Variants in FUT8 observed in about 807,000 individuals in gnomAD.
FUT8 encodes the protein alpha-(1,6)-fucosyltransferase.
Under a neutral mutation model 71.3 loss-of-function variants are expected in FUT8, and 29 were observed. That is an observed-to-expected ratio of 0.41 (90% CI 0.30 to 0.55). The LOEUF (loss-of-function observed/expected upper bound fraction) is 0.55, where lower values mean the gene tolerates loss of function less well. FUT8 is among the 20% of genes least tolerant of loss of function. The probability of loss-of-function intolerance (pLI) is 0.34; values close to 1 mark genes in which losing one functional copy is unlikely to be tolerated. For missense variants in FUT8, 544 were observed against 702.1 expected (o/e 0.77, Z 2.55); for synonymous variants, 254 against 239.3 (o/e 1.06, Z -0.57).
At chr14:65,370,449 C>A in the FUT8 span, among the ~76,000 whole-genome samples, 1 of 151,682 alleles carries the variant, frequency 6.6e-6, no homozygotes, top group South Asian at 2.1e-4. Flanking sequence ...ACCTCGTGAT[C>A]TGCCTGCCTC....
Position 65,594,794 on chromosome 14 carries a change from G to A in FUT8, c.204-21184G>A, listed in dbSNP as rs147339928. 1.4e-4 allele frequency among the ~76,000 whole-genome samples: 21 copies of A among 152,104 alleles called. No homozygotes were observed. The East Asian group carries it at 3.1e-3, about 22-fold the overall frequency. ...TGAAGTCAAGTTGCCTCATCCAGCCGGTGTCTCTGAAGTTAAGTCCTCTCT... is the reference window on the plus strand; with the variant it reads ...TGAAGTCAAGTTGCCTCATCCAGCCAGTGTCTCTGAAGTTAAGTCCTCTCT... On this transcript the variant is annotated intron_variant, in intron 3 of 10. Transcript: ENST00000673929.
intron 6 of FUT8, among the ~76,000 whole-genome samples, chr14:65,650,635 G>A (rs1891345992): frequency 1.3e-5 from 2 of 149,808 alleles, no homozygotes; most frequent in African/African-American, 2.5e-5. Context: ...CCAGCACTGG[G>A]GATTGCATTT....
At chr14:65,611,246 C>T (rs372483380) in intron 3 of FUT8, among the ~76,000 whole-genome samples, 1 of 34,460 alleles carries the variant, frequency 2.9e-5, no homozygotes, top group East Asian at 7.1e-4. Flanking sequence ...CACACACACA[C>T]ACACACACAC....
chr14:65,597,750 A>G (rs1413450064), intron 3 of FUT8, among the ~76,000 whole-genome samples: 1 of 152,104 alleles, frequency 6.6e-6, no homozygotes, highest in East Asian at 1.9e-4. Context: ...AACATCTGTT[A>G]TACAACATTG....
intron 6 of FUT8, among the ~76,000 whole-genome samples, chr14:65,661,752 G>C (rs1566881558): frequency 6.6e-6 from 1 of 152,226 alleles, no homozygotes; most frequent in Non-Finnish European, 1.5e-5. Flanking sequence ...AATCCTAGTA[G>C]TAGTGCCTAA....
At chr14:65,547,232 G>A (rs1423520278) in intron 2 of FUT8, among the ~76,000 whole-genome samples, 4 of 150,578 alleles carry the variant, frequency 2.7e-5, no homozygotes, top group Admixed American at 6.6e-5. Flanking sequence ...GTTGTTTATC[G>A]GTTTTATATT....
At chr14:65,589,934 A>G (rs1038077687) in intron 3 of FUT8, among the ~76,000 whole-genome samples, 47 of 152,342 alleles carry the variant, frequency 3.1e-4, no homozygotes, top group African/African-American at 1.1e-3. Context: ...AGGGGTATAC[A>G]TTGGCATGAT....
chr14:65,563,628 A>G (rs78974908), intron 3 of FUT8, among the ~76,000 whole-genome samples: 1 of 152,000 alleles, frequency 6.6e-6, no homozygotes, highest in Non-Finnish European at 1.5e-5. Flanking sequence ...CTTCTATATC[A>G]TGGGAATTTT....
the FUT8 span, among the ~76,000 whole-genome samples, chr14:65,375,560 G>T: frequency 3.3e-5 from 5 of 152,182 alleles, no homozygotes; most frequent in Non-Finnish European, 7.4e-5. Context: ...TGTTGAGGCT[G>T]CAGTGAGCCA....
intron 2 of FUT8, among the ~76,000 whole-genome samples, chr14:65,538,689 G>A (rs977903869): frequency 6.6e-6 from 1 of 152,198 alleles, no homozygotes; most frequent in African/African-American, 2.4e-5. Context: ...GGTGGCCGAG[G>A]TAGGTGGATT....
At chr14:65,595,010 C>T (rs141030440) in intron 3 of FUT8, among the ~76,000 whole-genome samples, 78 of 152,176 alleles carry the variant, frequency 5.1e-4, no homozygotes, top group African/African-American at 1.3e-3. Context: ...TTTGGGCCAC[C>T]GATTTCAGAC....
At chr14:65,422,356 T>C (rs1441528298) in intron 1 of FUT8, among the ~76,000 whole-genome samples, 1 of 152,116 alleles carries the variant, frequency 6.6e-6, no homozygotes, top group Non-Finnish European at 1.5e-5. Flanking sequence ...CACCAAACAG[T>C]AGAGTTAGCC....
chr14:65,616,063 A>G lies in FUT8; in HGVS notation c.289A>G (p.Ile97Val). The G allele has an allele frequency of 1.2e-6, 2 of 1,614,004 alleles. No homozygotes were observed. Among genetic ancestry groups the G allele is most frequent in the Non-Finnish European group, 8.5e-7 (1 of 1,179,892 alleles). ...EEQLVKAKEQ[I>V]ENYKKQTRNG... ...GCAGCTTGTTAAGGCCAAAGAACAGATTGAAAATTACAAGAAACAGACCAG... is the reference window on the plus strand; with the variant it reads ...GCAGCTTGTTAAGGCCAAAGAACAGGTTGAAAATTACAAGAAACAGACCAG... The change falls in exon 4 of 11, where the codon ATT becomes GTT. Residue 97 changes from isoleucine to valine, a missense_variant. Transcript: ENST00000673929.
chr14:65,551,305 A>T (rs1274624669), intron 2 of FUT8, among the ~76,000 whole-genome samples: 3 of 152,296 alleles, frequency 2.0e-5, no homozygotes, highest in African/African-American at 7.2e-5. Flanking sequence ...AAGAAGTGTC[A>T]GTTTGATCGT....
chr14:65,575,669 A>G (rs910767940), intron 3 of FUT8, among the ~76,000 whole-genome samples: 1 of 143,218 alleles, frequency 7.0e-6, no homozygotes, highest in Non-Finnish European at 1.5e-5. Context: ...CCCAGACTGG[A>G]GTGCAGCGGC....
In FUT8 at chr14:65,506,014, G is replaced by T. The variant is rs117646221; in HGVS notation, c.-228+50296G>T. On this transcript the variant is annotated intron_variant, in intron 2 of 10. Coordinates refer to ENST00000673929, the MANE Select transcript of FUT8 (RefSeq NM_001371533.1). ...CCACCATGTGTTCACTGTGTAAAGG[G>T]TTCAGAGGTGACTGTTGTACCTAAT... is the stretch of plus-strand genomic sequence containing the variant. 2.3e-3 allele frequency among the ~76,000 whole-genome samples: 357 copies of T among 152,258 alleles called. 3 individuals carry two copies. The highest frequency in any genetic ancestry group is 4.1e-3 in the Non-Finnish European group (278 of 68,024).
intron 6 of FUT8, among the ~76,000 whole-genome samples, chr14:65,650,169 C>T (rs543782114): frequency 1.3e-5 from 2 of 151,662 alleles, no homozygotes; most frequent in African/African-American, 2.4e-5. Context: ...CGTGGTGGCA[C>T]GCGCCTGTAA....
chr14:65,707,731 G>C (rs1894620132), intron 7 of FUT8, among the ~76,000 whole-genome samples: 1 of 152,118 alleles, frequency 6.6e-6, no homozygotes, highest in African/African-American at 2.4e-5. Flanking sequence ...GAAGAGATGA[G>C]CCTTTTTGCA....
chr14:65,519,416 G>T (rs543468292), intron 2 of FUT8, among the ~76,000 whole-genome samples: 1 of 152,242 alleles, frequency 6.6e-6, no homozygotes, highest in South Asian at 2.1e-4. Context: ...TTAATGTAAG[G>T]TTATTTATAT....
Sources: gnomAD v4.1 joint callset for allele counts (sites outside exome capture counted in the v4.1 genomes callset) on GRCh38, gnomAD v4.1.1 for gene constraint, MANE v1.5 for transcripts, NCBI Gene and HGNC (gene_info 2026-07-23, HGNC 2026-07-21) for gene names.